ZNF808: variants seen among roughly 807,000 people sequenced by gnomAD.
The protein encoded by ZNF808 is zinc finger protein 808.
A neutral mutation model predicts 8.7 loss-of-function variants in ZNF808; 5 were observed. That is an observed-to-expected ratio of 0.58 (90% CI 0.30 to 1.21). The LOEUF (loss-of-function observed/expected upper bound fraction) is 1.21, where lower values mean the gene tolerates loss of function less well. ZNF808 is among the 50% of genes most tolerant of loss of function. ZNF808 has a pLI of 0.07. For synonymous variants in ZNF808, 380 were observed against 366.0 expected, an observed-to-expected ratio of 1.04 and a Z score of -0.44; for missense variants, 1,103 against 1,098.4, an observed-to-expected ratio of 1.00 and a Z score of -0.06.
chr19:52,528,866 G>T (rs1209578641), intron 1 of ZNF808, among the ~76,000 whole-genome samples: 1 of 151,982 alleles, frequency 6.6e-6, no homozygotes, highest in Non-Finnish European at 1.5e-5. Flanking sequence ...TGAAAGATTG[G>T]GGAGAAGGAG....
chr19:52,537,829 A>T (rs933883599), intron 2 of ZNF808, among the ~76,000 whole-genome samples: 1 of 152,204 alleles, frequency 6.6e-6, no homozygotes, highest in Admixed American at 6.5e-5. Flanking sequence ...TGAGAATTTT[A>T]AATGTCCTAT....
rs1290619285 is a variant in ZNF808, at chr19:52,554,808, C to T, written c.1892C>T (p.Ala631Val). 4.3e-6 allele frequency: 7 copies of T among 1,613,858 alleles called. No homozygotes were observed. Among genetic ancestry groups the T allele is most frequent in the Non-Finnish European group, 5.9e-6 (7 of 1,179,990 alleles). The part of the protein sequence containing the change: ...KPYRCQVCDT[A>V]FTWNSQLARH... ...TACAGATGTCAGGTTTGTGACACAG[C>T]TTTCACGTGGAATTCACAGCTGGCA... Residue 631 changes from alanine to valine, a missense_variant, in exon 5 of 5, where the codon GCT becomes GTT. Ala to Val is a moderately conservative substitution (Grantham distance 64, BLOSUM62 0). Coordinates refer to ENST00000359798, the MANE Select transcript of ZNF808 (RefSeq NM_001039886.4).
intron 1 of ZNF808, among the ~76,000 whole-genome samples, chr19:52,529,893 A>C (rs1198447774): frequency 9.6e-6 from 1 of 104,550 alleles, no homozygotes; most frequent in Non-Finnish European, 2.1e-5. Flanking sequence ...GCTAGTTTAC[A>C]TATATATATA....
Position 52,554,276 on chromosome 19 carries a change from C to T in ZNF808, c.1360C>T (p.Pro454Ser), listed in dbSNP as rs777869732. 5.0e-6 allele frequency: 8 copies of T among 1,613,934 alleles called. No individual in the cohort carries two copies. The African/African-American group carries it at 8.0e-5, about 16-fold the overall frequency. Residue 454 changes from proline to serine, a missense_variant, in exon 5 of 5, where the codon CCA (proline) becomes TCA (serine). Transcript: ENST00000359798. ...TAAGAGAATTCATACTGGAGAGAAA[C>T]CATACAAATGTAAGGTTTGTGATAC... ...RHKRIHTGEK[P>S]YKCKVCDTAF... is the part of the protein sequence containing the mutation.
intron 2 of ZNF808, among the ~76,000 whole-genome samples, chr19:52,541,363 C>G (rs984703886): frequency 6.6e-6 from 1 of 151,756 alleles, no homozygotes; most frequent in African/African-American, 2.4e-5. Flanking sequence ...GGTGAGTCAC[C>G]GCTCCTGACT....
At chr19:52,528,974 T>C (rs59875551) in intron 1 of ZNF808, among the ~76,000 whole-genome samples, 2,109 of 146,374 alleles carry the variant, frequency 0.014, 42 homozygotes, top group African/African-American at 0.05. Flanking sequence ...AGAAGAGGGG[T>C]ACAAAATGAA....
intron 3 of ZNF808, among the ~76,000 whole-genome samples, chr19:52,544,902 G>C (rs1424513123): frequency 1.3e-5 from 2 of 152,184 alleles, no homozygotes; most frequent in East Asian, 3.9e-4. Flanking sequence ...TTTTGCCTCA[G>C]CCTCCTGAGT....
chr19:52,552,411 C>CT lies in ZNF808; in HGVS notation c.191-682dup, dbSNP rs777720809. On this transcript the variant is annotated intron_variant, in intron 4 of 4. Coordinates refer to ENST00000359798, the MANE Select transcript of ZNF808 (RefSeq NM_001039886.4). ...AGAAAAATATTGTACTAACTTTTTT[C>CT]TTTTTTTTTTTTTTCTGTTTGAGGC... 6.2e-3 allele frequency among the ~76,000 whole-genome samples: 882 copies of CT among 141,698 alleles called. 4 individuals carry two copies. The highest frequency in any genetic ancestry group is 0.018 in the African/African-American group (702 of 39,030). The allele number at this position is 141,698 out of a possible 152,430, so 93.0% of individuals were successfully genotyped here.
rs776922034 is a variant in ZNF808, at chr19:52,555,467, G to A, written c.2551G>A (p.Ala851Thr). The A allele has an allele frequency of 1.7e-5, 28 of 1,613,968 alleles. 1 individual carries two copies. Among genetic ancestry groups the A allele is most frequent in the Middle Eastern group, 3.3e-4 (2 of 6,080 alleles). The change falls in exon 5 of 5, where the codon GCA (alanine) becomes ACA (threonine). Residue 851 changes from alanine to threonine, a missense_variant. Coordinates refer to ENST00000359798, the MANE Select transcript of ZNF808 (RefSeq NM_001039886.4). ...HTGEKPYKCEACDKVFSRKSH... is the reference protein window; with the variant it reads ...HTGEKPYKCETCDKVFSRKSH... ...TGGAGAGAAACCTTACAAATGTGAA[G>A]CATGTGACAAAGTTTTCAGTCGCAA...
chr19:52,545,794 TAAG>T (rs950306174), intron 3 of ZNF808, among the ~76,000 whole-genome samples: 42 of 149,390 alleles, frequency 2.8e-4, no homozygotes, highest in African/African-American at 9.1e-4. Context: ...AAAAAAAAAA[TAAG>T]AAGTATTGGG....
intron 3 of ZNF808, among the ~76,000 whole-genome samples, chr19:52,546,699 A>G (rs1398014573): frequency 7.0e-6 from 1 of 143,760 alleles, no homozygotes; most frequent in Admixed American, 7.3e-5. Context: ...GCTAAAGTGA[A>G]GTGGTGCGAT....
rs1345934811 is a variant in ZNF808, at chr19:52,555,123, A to C, written c.2207A>C (p.Lys736Thr). 1 of 1,614,034 alleles carries C rather than the reference A, an allele frequency of 6.2e-7. No individual in the cohort carries two copies. Among genetic ancestry groups the C allele is most frequent in the African/African-American group, 1.3e-5 (1 of 74,912 alleles). The change falls in exon 5 of 5, where the codon AAG (lysine) becomes ACG (threonine). Residue 736 changes from lysine (K) to threonine (T), a missense_variant. Physicochemically the swap from Lys to Thr is moderately conservative, Grantham distance 78. Transcript: ENST00000359798. ...RRIHSGEKPY[K>T]CSECSKTFSQ... ...ATTCATAGTGGTGAGAAACCTTACA[A>C]GTGTAGTGAGTGCAGCAAGACGTTC...
chr19:52,566,607 T>TG (rs2059873599), downstream of ZNF808, among the ~76,000 whole-genome samples: 1 of 152,188 alleles, frequency 6.6e-6, no homozygotes, highest in Non-Finnish European at 1.5e-5. Flanking sequence ...ACTATGTTCT[T>TG]GGGGCAGAAG....
downstream of ZNF808, among the ~76,000 whole-genome samples, chr19:52,561,158 TTCTCTCTCTCTCTCTCTCTC>T (rs1191860993): frequency 6.3e-4 from 33 of 52,688 alleles, no homozygotes; most frequent in African/African-American, 1.6e-3. Flanking sequence ...CTTCTATCTG[TTCTCTCTCTCTCTCTCTCTC>T]TCTCTCTCTC....
intron 2 of ZNF808, among the ~76,000 whole-genome samples, chr19:52,534,931 A>T (rs1335163046): frequency 2.6e-5 from 4 of 152,114 alleles, no homozygotes; most frequent in Non-Finnish European, 4.4e-5. Context: ...AGAAAGTAAT[A>T]GATCTCTTTC....
intron 4 of ZNF808, among the ~76,000 whole-genome samples, chr19:52,549,484 G>T (rs2059754497): frequency 6.6e-6 from 1 of 152,106 alleles, no homozygotes; most frequent in African/African-American, 2.4e-5. Context: ...TTCACCTCAG[G>T]CCACCATACT....
rs114825668 is a variant in ZNF808, at chr19:52,551,782, T to C, written c.191-1325T>C. 6.6e-3 allele frequency among the ~76,000 whole-genome samples: 887 copies of C among 134,548 alleles called. 13 individuals carry two copies. The highest frequency in any genetic ancestry group is 0.022 in the African/African-American group (844 of 37,614). 88.3% of individuals were successfully genotyped at this position (134,548 alleles called of 152,430 possible). Reference sequence around the variant, plus strand: ...ATTTGGGAGGTCAAGGGGGGTGGATTACTTAAGGTCAGGAGTTTGAGACCA... The same window carrying C: ...ATTTGGGAGGTCAAGGGGGGTGGATCACTTAAGGTCAGGAGTTTGAGACCA... On this transcript the variant is annotated intron_variant, in intron 4 of 4. Coordinates refer to ENST00000359798, the MANE Select transcript of ZNF808 (RefSeq NM_001039886.4).
chr19:52,560,677 T>G (rs1227024201), downstream of ZNF808, among the ~76,000 whole-genome samples: 3 of 152,196 alleles, frequency 2.0e-5, no homozygotes, highest in Admixed American at 2.0e-4. Context: ...CATATTGTAA[T>G]TTGCATAGTT....
At chr19:52,538,170 G>A (rs1022872396) in intron 2 of ZNF808, among the ~76,000 whole-genome samples, 35 of 151,324 alleles carry the variant, frequency 2.3e-4, no homozygotes, top group African/African-American at 8.5e-4. Context: ...ACCAAGCCCA[G>A]CTAGTAGTTT....
Sources: allele counts gnomAD v4.1 joint callset (sites outside exome capture counted in the v4.1 genomes callset), GRCh38; gene constraint gnomAD v4.1.1; transcripts MANE v1.5; gene names NCBI Gene and HGNC (gene_info 2026-07-23, HGNC 2026-07-21).